The following ZEB1 variants were observed in gnomAD, a reference collection of about 807,000 sequenced individuals.
The protein encoded by ZEB1 is zinc finger E-box binding homeobox 1.
In ZEB1, 21 loss-of-function variants were observed where a neutral mutation model predicts 84.9. That is an observed-to-expected ratio of 0.25 (90% CI 0.18 to 0.36). The LOEUF (loss-of-function observed/expected upper bound fraction) is 0.36, where lower values mean the gene tolerates loss of function less well. Among genes scored for constraint, ZEB1 ranks in the 10% least tolerant of loss-of-function variants. The pLI is 1.00. For missense variants in ZEB1, 1,104 were observed against 1,330.2 expected (o/e 0.83, Z 2.65); for synonymous variants, 420 against 471.1 (o/e 0.89, Z 1.41).
At chr10:31,462,237 A>G (rs75782663) in intron 2 of ZEB1, among the ~76,000 whole-genome samples, 5,040 of 152,294 alleles carry the variant, frequency 0.033, 264 homozygotes, top group African/African-American at 0.11. Context: ...GATTTCTACA[A>G]TATGACAAAT....
At chr10:31,457,467 A>C (rs2061366349) in intron 1 of ZEB1, among the ~76,000 whole-genome samples, 1 of 152,116 alleles carries the variant, frequency 6.6e-6, no homozygotes, top group Non-Finnish European at 1.5e-5. Flanking sequence ...ATCTTGGAAA[A>C]TAGTTATCGG....
chr10:31,387,979 T>C (rs2048938235), intron 1 of ZEB1, among the ~76,000 whole-genome samples: 1 of 152,192 alleles, frequency 6.6e-6, no homozygotes, highest in Non-Finnish European at 1.5e-5. Flanking sequence ...AGCAAATTAA[T>C]GTCTGTGCTT....
chr10:31,336,086 C>T (rs2037990246), intron 1 of ZEB1, among the ~76,000 whole-genome samples: 1 of 152,012 alleles, frequency 6.6e-6, no homozygotes, highest in Non-Finnish European at 1.5e-5. Flanking sequence ...GCATAATGTA[C>T]CATGTTTATA....
intron 1 of ZEB1, among the ~76,000 whole-genome samples, chr10:31,452,751 GA>G (rs2060757269): frequency 8.5e-6 from 1 of 117,050 alleles, no homozygotes. Context: ...GTGAGAGAGA[GA>G]GAGAGAGAGA....
At chr10:31,396,350 TTA>T (rs1433576759) in intron 1 of ZEB1, among the ~76,000 whole-genome samples, 2 of 152,190 alleles carry the variant, frequency 1.3e-5, no homozygotes, top group African/African-American at 4.8e-5. Context: ...ACACAAATTA[TTA>T]TATGACTCGC....
chr10:31,353,773 C>T (rs1453764645), intron 1 of ZEB1, among the ~76,000 whole-genome samples: 1 of 152,154 alleles, frequency 6.6e-6, no homozygotes, highest in Non-Finnish European at 1.5e-5. Context: ...GTCACCAGCA[C>T]CACCAACCTG....
At chr10:31,349,164 A>T (rs187205438) in intron 1 of ZEB1, among the ~76,000 whole-genome samples, 1 of 152,302 alleles carries the variant, frequency 6.6e-6, no homozygotes, top group East Asian at 1.9e-4. Context: ...AAGTGAGATC[A>T]TTGGCATTTC....
rs767671906 is a variant in ZEB1, at chr10:31,521,611, G to A, written c.2279G>A (p.Ser760Asn). 5 of 1,614,010 alleles carry A rather than the reference G, an allele frequency of 3.1e-6. No individual in the cohort carries two copies. The African/African-American group carries it at 4.0e-5, about 13-fold the overall frequency. ...ACTATCACTAGTGTTTACCAGAACA[G>A]TGTTTATTCTGTCCAGGAAGAACCC... is the stretch of plus-strand genomic sequence containing the variant. ...RSTITSVYQN[S>N]VYSVQEEPLN... Residue 760 changes from serine (S) to asparagine (N), a missense_variant, in exon 7 of 9, where the codon AGT becomes AAT. By Grantham distance (46) the Ser-to-Asn change is conservative. Around this residue, in one of 7 missense-constraint regions of ZEB1, gnomAD observed 531 missense variants for 575.2 expected, o/e 0.92. Coordinates refer to ENST00000424869, the MANE Select transcript of ZEB1 (RefSeq NM_001174096.2).
intron 3 of ZEB1, among the ~76,000 whole-genome samples, chr10:31,502,124 G>A (rs932251492): frequency 6.6e-6 from 1 of 152,140 alleles, no homozygotes; most frequent in Non-Finnish European, 1.5e-5. Flanking sequence ...AAGGGATACT[G>A]TGAGAATTTC....
chr10:31,319,115 C>A, upstream of ZEB1: 2 of 696,864 alleles, frequency 2.9e-6, no homozygotes, highest in Non-Finnish European at 5.0e-6. Flanking sequence ...GTCGTAAAGC[C>A]GGGAGTGTCG....
chr10:31,330,199 T>A (rs1198884734), intron 1 of ZEB1, among the ~76,000 whole-genome samples: 4 of 152,214 alleles, frequency 2.6e-5, no homozygotes, highest in Non-Finnish European at 5.9e-5. Flanking sequence ...TAATGTTTGG[T>A]CTTAACTCAC....
At chr10:31,437,463 T>C (rs913576632) in intron 1 of ZEB1, among the ~76,000 whole-genome samples, 4 of 152,200 alleles carry the variant, frequency 2.6e-5, no homozygotes, top group Admixed American at 2.6e-4. Flanking sequence ...AAATTGTTTG[T>C]TTTTAATACT....
At chr10:31,399,003 T>TG (rs920433070) in intron 1 of ZEB1, among the ~76,000 whole-genome samples, 2 of 151,510 alleles carry the variant, frequency 1.3e-5, no homozygotes, top group Non-Finnish European at 2.9e-5. Flanking sequence ...TTTTTTTTTT[T>TG]TTTTTGATAT....
In ZEB1 at chr10:31,527,452, CAA is replaced by C. The variant is rs2073714786; in HGVS notation, c.*191_*192del. 7 of 682,804 alleles carry C rather than the reference CAA, an allele frequency of 1.0e-5. No homozygotes were observed. Among genetic ancestry groups the C allele is most frequent in the South Asian group, 2.1e-5 (1 of 47,474 alleles). 42.3% of individuals were successfully genotyped at this position (682,804 alleles called of 1,614,324 possible). ...ACACACACACACACACACACACACACAAAATAAATCCGGGTGTGCCTGAACCT... is the reference window on the plus strand; with the variant it reads ...ACACACACACACACACACACACACACAATAAATCCGGGTGTGCCTGAACCT... On this transcript the variant is annotated 3_prime_UTR_variant, in exon 9 of 9. Coordinates refer to ENST00000424869, the MANE Select transcript of ZEB1 (RefSeq NM_001174096.2).
At chr10:31,411,126 T>G (rs2135777457) in intron 1 of ZEB1, among the ~76,000 whole-genome samples, 1 of 152,246 alleles carries the variant, frequency 6.6e-6, no homozygotes, top group African/African-American at 2.4e-5. Flanking sequence ...AGTAAAACAC[T>G]CCTCAGCAAA....
chr10:31,462,096 G>T (rs964603727), intron 2 of ZEB1, among the ~76,000 whole-genome samples: 1 of 152,082 alleles, frequency 6.6e-6, no homozygotes, highest in Non-Finnish European at 1.5e-5. Flanking sequence ...CAAAGAGGTC[G>T]TCTAGACAAG....
At chr10:31,452,760 A>T (rs2137114789) in intron 1 of ZEB1, among the ~76,000 whole-genome samples, 1 of 146,348 alleles carries the variant, frequency 6.8e-6, no homozygotes, top group Non-Finnish European at 1.5e-5. Flanking sequence ...AGAGAGAGAG[A>T]GAGAGAGAGA....
chr10:31,453,267 C>T (rs543716195), intron 1 of ZEB1, among the ~76,000 whole-genome samples: 1 of 152,118 alleles, frequency 6.6e-6, no homozygotes, highest in Non-Finnish European at 1.5e-5. Flanking sequence ...TCAATACATG[C>T]CACAGTTATC....
chr10:31,441,734 G>C (rs989294548), intron 1 of ZEB1, among the ~76,000 whole-genome samples: 28 of 152,190 alleles, frequency 1.8e-4, no homozygotes, highest in Non-Finnish European at 3.7e-4. Flanking sequence ...CCATCAAAAA[G>C]TAGGTGAAGG....
Sources: gnomAD v4.1 joint callset for allele counts (sites outside exome capture counted in the v4.1 genomes callset) on GRCh38, gnomAD v4.1.1 for gene constraint, gnomAD v4.1.1 regional missense constraint, MANE v1.5 for transcripts, NCBI Gene and HGNC (gene_info 2026-07-23, HGNC 2026-07-21) for gene names.